PARD3B: variants seen among roughly 807,000 people sequenced by gnomAD.
PARD3B encodes the protein par-3 family cell polarity regulator beta.
PARD3B carries 103 observed loss-of-function variants against 130.2 expected under a neutral mutation model. The ratio of observed to expected loss-of-function variants is 0.79; its 90% CI spans 0.67 to 0.93. PARD3B has a LOEUF of 0.93. Ranked by LOEUF, PARD3B falls within the 40% of genes least tolerant of loss-of-function variation. PARD3B has a pLI of 0.00. For synonymous variants in PARD3B, 583 were observed against 553.2 expected (o/e 1.05, Z -0.76); for missense variants, 1,609 against 1,499.2 (o/e 1.07, Z -1.21).
At chr2:205,100,689 A>G (rs1250910451) in intron 4 of PARD3B, among the ~76,000 whole-genome samples, 1 of 152,136 alleles carries the variant, frequency 6.6e-6, no homozygotes, top group Non-Finnish European at 1.5e-5. Flanking sequence ...ATACCCTTAC[A>G]TTTTTGGAAA....
intron 16 of PARD3B, among the ~76,000 whole-genome samples, chr2:205,279,452 G>C (rs1276618907): frequency 6.6e-6 from 1 of 152,038 alleles, no homozygotes; most frequent in African/African-American, 2.4e-5. Flanking sequence ...CCTATTTTCA[G>C]CTTTTTGCCT....
chr2:204,905,600 C>A (rs2047015211), intron 2 of PARD3B, among the ~76,000 whole-genome samples: 1 of 150,866 alleles, frequency 6.6e-6, no homozygotes, highest in Admixed American at 6.6e-5. Context: ...GAGTTTTTCC[C>A]TCTTGAGTTT....
Position 204,770,828 on chromosome 2 carries a change from A to G in PARD3B, c.222+84546A>G, listed in dbSNP as rs1418330307. Among the ~76,000 whole-genome samples, 6 of 151,974 alleles carry G rather than the reference A, an allele frequency of 3.9e-5. No individual in the cohort carries two copies. In the East Asian group the frequency reaches 5.8e-4, roughly 15 times the overall value. On this transcript the variant is annotated intron_variant, in intron 2 of 22. Coordinates refer to ENST00000406610, the MANE Select transcript of PARD3B (RefSeq NM_001302769.2). ...ACACCTGACAGGCACTTATTTCCCT[A>G]TCAGGAGTCTCTGTAGTTGTTTTGC... is the stretch of plus-strand genomic sequence containing the variant.
At position 205,460,355 on chromosome 2, in the gene PARD3B, A is replaced by G. The variant is rs150264503; in HGVS notation, c.3044+19683A>G. Reference sequence around the variant, plus strand: ...CAGATGTGAGTTTCAGGATCTAGAAACACAATATGAGGATTATCAAGACTA... The same window carrying G: ...CAGATGTGAGTTTCAGGATCTAGAAGCACAATATGAGGATTATCAAGACTA... On this transcript the variant is annotated intron_variant, in intron 20 of 22. Transcript: ENST00000406610. This position sits in a 1 kb window ranked among gnomAD's most constrained non-coding sequence, Gnocchi z 4.9. Among the ~76,000 whole-genome samples, 83 of 152,024 alleles carry G rather than the reference A, an allele frequency of 5.5e-4. No homozygotes were observed. Among genetic ancestry groups the G allele is most frequent in the Middle Eastern group, 3.4e-3 (1 of 294 alleles).
In PARD3B at chr2:204,959,567, A is replaced by G. The variant is rs368912270; in HGVS notation, c.223-5585A>G. Among the ~76,000 whole-genome samples, 11 of 152,320 alleles carry G rather than the reference A, an allele frequency of 7.2e-5. No homozygotes were observed. In the East Asian group the frequency reaches 1.5e-3, roughly 21 times the overall value. On this transcript the variant is annotated intron_variant, in intron 2 of 22. Transcript: ENST00000406610. ...AGGAATTGCCACACTGTCTTCCACA[A>G]TGGTAGAACTAATTTACACTCCCAC...
chr2:204,553,784 C>G (rs1451430113), intron 1 of PARD3B, among the ~76,000 whole-genome samples: 1 of 148,956 alleles, frequency 6.7e-6, no homozygotes, highest in East Asian at 2.0e-4. Flanking sequence ...AGATTGGAGA[C>G]TATTACGGCA....
intron 3 of PARD3B, among the ~76,000 whole-genome samples, chr2:204,988,854 G>A (rs537914760): frequency 2.0e-5 from 3 of 152,230 alleles, no homozygotes; most frequent in Middle Eastern, 3.4e-3. Flanking sequence ...TGCTGTCCAC[G>A]CCCTGACACC....
In PARD3B at chr2:204,669,408, A is replaced by G. The variant is rs2036178610; in HGVS notation, c.121-16773A>G. ...TATCCACTTTTATCAATATATAATTATTATCTAAGTACATTTTGGCATAAC... is the reference window on the plus strand; with the variant it reads ...TATCCACTTTTATCAATATATAATTGTTATCTAAGTACATTTTGGCATAAC... On this transcript the variant is annotated intron_variant, in intron 1 of 22. Transcript: ENST00000406610. The surrounding 1 kb of genome is among the most constrained non-coding windows in gnomAD (Gnocchi z 4.3). 6.6e-6 allele frequency among the ~76,000 whole-genome samples: 1 copy of G among 152,150 alleles called. No homozygotes were observed. The highest frequency in any genetic ancestry group is 2.1e-4 in the South Asian group (1 of 4,830).
intron 4 of PARD3B, among the ~76,000 whole-genome samples, chr2:205,054,765 G>C (rs997616991): frequency 2.6e-5 from 4 of 151,810 alleles, no homozygotes; most frequent in African/African-American, 9.7e-5. Context: ...CCTAAGACAT[G>C]GTTCCTGTCC....
At chr2:204,949,234 T>C (rs1164421420) in intron 2 of PARD3B, among the ~76,000 whole-genome samples, 1 of 152,148 alleles carries the variant, frequency 6.6e-6, no homozygotes, top group Non-Finnish European at 1.5e-5. Flanking sequence ...AGGATGGATA[T>C]TATGTTCTAA....
At chr2:205,206,067 G>T (rs1414789837) in intron 15 of PARD3B, among the ~76,000 whole-genome samples, 1 of 151,930 alleles carries the variant, frequency 6.6e-6, no homozygotes, top group Non-Finnish European at 1.5e-5. Flanking sequence ...CTGTGACTTT[G>T]TCTGGTCCTG....
chr2:205,082,551 A>T (rs905666157), intron 4 of PARD3B, among the ~76,000 whole-genome samples: 5 of 152,188 alleles, frequency 3.3e-5, no homozygotes, highest in Non-Finnish European at 7.4e-5. Flanking sequence ...AACTGCAGAT[A>T]AGAGGACACT....
Position 204,563,257 on chromosome 2 carries a change from C to CTCTCTCTCTT in PARD3B, c.120+17146_120+17155dup, listed in dbSNP as rs1553542026. Among the ~76,000 whole-genome samples the CTCTCTCTCTT allele has an allele frequency of 1.7e-3, 249 of 142,726 alleles. 4 individuals are homozygous for CTCTCTCTCTT. Among genetic ancestry groups the CTCTCTCTCTT allele is most frequent in the African/African-American group, 6.4e-3 (238 of 37,144 alleles). The allele number at this position is 142,726 out of a possible 152,430, so 93.6% of individuals were successfully genotyped here. On this transcript the variant is annotated intron_variant, in intron 1 of 22. Coordinates refer to ENST00000406610, the MANE Select transcript of PARD3B (RefSeq NM_001302769.2). ...TCTCTCTCTCTCTCTCTCTCTCTCTCTCTCTCTCTTTCTCTCTTCTCCCTT... is the reference window on the plus strand; with the variant it reads ...TCTCTCTCTCTCTCTCTCTCTCTCTCTCTCTCTCTTTCTCTCTCTTTCTCTCTTCTCCCTT...
At chr2:205,534,171 C>T (rs1291312386) in intron 21 of PARD3B, among the ~76,000 whole-genome samples, 1 of 151,956 alleles carries the variant, frequency 6.6e-6, no homozygotes, top group Non-Finnish European at 1.5e-5. Context: ...GGGACTGGTC[C>T]TGGTGCTAGG....
At chr2:204,730,918 T>C (rs2039483601) in intron 2 of PARD3B, among the ~76,000 whole-genome samples, 1 of 152,188 alleles carries the variant, frequency 6.6e-6, no homozygotes, top group African/African-American at 2.4e-5. Flanking sequence ...TTCCTTAGCA[T>C]AGAATGTGTT....
In PARD3B at chr2:205,523,901, C is replaced by CTTTATATATAA. The variant is rs201525790; in HGVS notation, c.3180+23871_3180+23881dup. Among the ~76,000 whole-genome samples the CTTTATATATAA allele has an allele frequency of 2.7e-3, 370 of 135,098 alleles. 14 individuals carry two copies. In the East Asian group the frequency reaches 0.07, roughly 26 times the overall value. The allele number at this position is 135,098 out of a possible 152,430, so 88.6% of individuals were successfully genotyped here. Reference sequence around the variant, plus strand: ...ATCCTTAAAATCTGATGATAATATTCTTTATATATAAATCTAAATACTTCT... The same window carrying CTTTATATATAA: ...ATCCTTAAAATCTGATGATAATATTCTTTATATATAATTTATATATAAATCTAAATACTTCT... On this transcript the variant is annotated intron_variant, in intron 21 of 22. Coordinates refer to ENST00000406610, the MANE Select transcript of PARD3B (RefSeq NM_001302769.2).
chr2:205,143,017 A>C (rs761918451), intron 10 of PARD3B, among the ~76,000 whole-genome samples: 14 of 152,180 alleles, frequency 9.2e-5, no homozygotes, highest in Admixed American at 3.3e-4. Context: ...TCCTGTGCTG[A>C]TAAGGTCAGG....
At chr2:205,381,108 AATATATATT>A (rs1256136115) in intron 18 of PARD3B, among the ~76,000 whole-genome samples, 5 of 78,714 alleles carry the variant, frequency 6.4e-5, no homozygotes, top group East Asian at 5.8e-4. Context: ...ATATATAAAG[AATATATATT>A]ATATATATTA....
Position 204,782,355 on chromosome 2 carries a change from TTATA to T in PARD3B, c.222+96076_222+96079del, listed in dbSNP as rs2041864869. ...AAATATTGTGTATGTGTTGTATATG[TTATA>T]TAATATATACCATCACATATGTATT... is the stretch of plus-strand genomic sequence containing the variant. On this transcript the variant is annotated intron_variant, in intron 2 of 22. Coordinates refer to ENST00000406610, the MANE Select transcript of PARD3B (RefSeq NM_001302769.2). 1.4e-5 allele frequency among the ~76,000 whole-genome samples: 2 copies of T among 144,496 alleles called. 1 individual carries two copies. The highest frequency in any genetic ancestry group is 7.5e-3 in the Middle Eastern group (2 of 268). 94.8% of individuals were successfully genotyped at this position (144,496 alleles called of 152,430 possible). A position where few individuals can be genotyped will look rare whatever the true frequency, so the allele number is the denominator to read the frequency against.
Sources: gnomAD v4.1 joint callset for allele counts (sites outside exome capture counted in the v4.1 genomes callset) on GRCh38, gnomAD v4.1.1 for gene constraint, Gnocchi (gnomAD v3.1) non-coding constraint, MANE v1.5 for transcripts, NCBI Gene and HGNC (gene_info 2026-07-23, HGNC 2026-07-21) for gene names.